The following GPC5 variants were observed in gnomAD, a reference collection of about 807,000 sequenced individuals.
The protein encoded by GPC5 is glypican 5, also known as glypican-5.
GPC5 carries 47 observed loss-of-function variants against 53.9 expected under a neutral mutation model. The ratio of observed to expected loss-of-function variants is 0.87; its 90% CI spans 0.69 to 1.11. The LOEUF is 1.11. Among genes scored for constraint, GPC5 ranks in the 50% most tolerant of loss-of-function variants. The pLI, the probability that GPC5 is intolerant of heterozygous loss-of-function variation, is 0.00. For synonymous variants in GPC5, 286 were observed against 263.3 expected, an observed-to-expected ratio of 1.09 and a Z score of -0.84; for missense variants, 748 against 713.1, an observed-to-expected ratio of 1.05 and a Z score of -0.56.
Position 91,535,628 on chromosome 13 carries a change from C to T in GPC5, c.325+86706C>T, listed in dbSNP as rs573240818. On this transcript the variant is annotated intron_variant, in intron 2 of 7. Coordinates refer to ENST00000377067, the MANE Select transcript of GPC5 (RefSeq NM_004466.6). ...TTATCAGGATATGGACACAGGCTCTCTTCTCAGAAAACTCGTCTTTTAATG... is the reference window on the plus strand; with the variant it reads ...TTATCAGGATATGGACACAGGCTCTTTTCTCAGAAAACTCGTCTTTTAATG... Among the ~76,000 whole-genome samples, 248 of 152,274 alleles carry T rather than the reference C, an allele frequency of 1.6e-3. 2 individuals carry two copies. The highest frequency in any genetic ancestry group is 3.0e-3 in the Non-Finnish European group (203 of 68,020).
intron 7 of GPC5, among the ~76,000 whole-genome samples, chr13:92,355,628 C>T (rs1178027052): frequency 6.6e-6 from 1 of 151,918 alleles, no homozygotes; most frequent in Non-Finnish European, 1.5e-5. Flanking sequence ...ATTTATATTC[C>T]TTTTTTGATG....
intron 7 of GPC5, among the ~76,000 whole-genome samples, chr13:92,801,043 C>T (rs1046029384): frequency 6.6e-6 from 1 of 150,602 alleles, no homozygotes; most frequent in African/African-American, 2.4e-5. Flanking sequence ...AAAAAGAAAA[C>T]TAGCTTTTTG....
At chr13:92,420,377 T>C (rs1345850715) in intron 7 of GPC5, among the ~76,000 whole-genome samples, 5 of 152,162 alleles carry the variant, frequency 3.3e-5, no homozygotes, top group Non-Finnish European at 5.9e-5. Flanking sequence ...TGTGGATACA[T>C]AGTAGGTGTA....
At chr13:92,549,485 T>A (rs948010944) in intron 7 of GPC5, among the ~76,000 whole-genome samples, 26 of 152,082 alleles carry the variant, frequency 1.7e-4, no homozygotes, top group African/African-American at 6.3e-4. Flanking sequence ...AGAGTTAACC[T>A]TTGTTCAGAG....
intron 5 of GPC5, among the ~76,000 whole-genome samples, chr13:91,831,554 A>G (rs541756179): frequency 2.6e-4 from 39 of 152,106 alleles, no homozygotes; most frequent in African/African-American, 8.4e-4. Context: ...CAAATTTTCT[A>G]TAAATTTGAA....
intron 2 of GPC5, among the ~76,000 whole-genome samples, chr13:91,591,898 A>T (rs1238667856): frequency 1.3e-5 from 2 of 152,138 alleles, no homozygotes; most frequent in Admixed American, 6.5e-5. Flanking sequence ...AATCTTTATG[A>T]GCTTCCTTGC....
chr13:92,114,143 C>T (rs2041581047), intron 6 of GPC5, among the ~76,000 whole-genome samples: 1 of 152,022 alleles, frequency 6.6e-6, no homozygotes, highest in Admixed American at 6.6e-5. Flanking sequence ...TTTTTCCTAC[C>T]TCAAACATAA....
At chr13:92,851,887 CAAAAAAAAA>C (rs71202563) in intron 7 of GPC5, among the ~76,000 whole-genome samples, 4 of 59,192 alleles carry the variant, frequency 6.8e-5, no homozygotes, top group South Asian at 1.0e-3. Context: ...GACTCCGTCT[CAAAAAAAAA>C]AAAAAAAAAA....
chr13:92,038,176 A>T (rs1181640786), intron 6 of GPC5, among the ~76,000 whole-genome samples: 2 of 152,008 alleles, frequency 1.3e-5, no homozygotes, highest in African/African-American at 4.8e-5. Context: ...GAGAGGAATT[A>T]AGGGTCACTT....
At chr13:91,541,404 G>C (rs1594228704) in intron 2 of GPC5, among the ~76,000 whole-genome samples, 1 of 152,230 alleles carries the variant, frequency 6.6e-6, no homozygotes, top group East Asian at 1.9e-4. Flanking sequence ...CGGACTTGCA[G>C]TGCCTCCTTT....
intron 5 of GPC5, among the ~76,000 whole-genome samples, chr13:91,813,539 G>A (rs1454635259): frequency 1.3e-5 from 2 of 151,726 alleles, no homozygotes; most frequent in African/African-American, 2.4e-5. Flanking sequence ...TGCCAAGGCC[G>A]GGTTGGTCTT....
Position 92,458,230 on chromosome 13 carries a change from A to G in GPC5, c.1561+313241A>G, listed in dbSNP as rs552477478. ...AGTCTATATGCTTAAAGGCTGGGGA[A>G]TGTTCATTGTACTTATTTATATCTC... On this transcript the variant is annotated intron_variant, in intron 7 of 7. Coordinates refer to ENST00000377067, the MANE Select transcript of GPC5 (RefSeq NM_004466.6). 5.2e-5 allele frequency among the ~76,000 whole-genome samples: 7 copies of G among 135,308 alleles called. No homozygotes were observed. In the East Asian group the frequency reaches 1.1e-3, roughly 21 times the overall value. The allele number at this position is 135,308 out of a possible 152,430, so 88.8% of individuals were successfully genotyped here.
In GPC5 at chr13:92,579,322, CCTCT is replaced by C. The variant is rs911678107; in HGVS notation, c.1562-286945_1562-286942del. On this transcript the variant is annotated intron_variant, in intron 7 of 7. Coordinates refer to ENST00000377067, the MANE Select transcript of GPC5 (RefSeq NM_004466.6). Reference sequence around the variant, plus strand: ...CTCTCCCTCCCTCCCTCCCTCCCTCCCTCTCTCTCTCTCTCTCTGCTTCATTACC... The same window carrying C: ...CTCTCCCTCCCTCCCTCCCTCCCTCCCTCTCTCTCTCTCTGCTTCATTACC... Among the ~76,000 whole-genome samples the C allele has an allele frequency of 7.7e-3, 741 of 95,930 alleles. 37 individuals are homozygous for C. Among genetic ancestry groups the C allele is most frequent in the African/African-American group, 0.028 (629 of 22,732 alleles). 62.9% of individuals were successfully genotyped at this position (95,930 alleles called of 152,430 possible).
At chr13:92,502,330 T>C (rs572677673) in intron 7 of GPC5, among the ~76,000 whole-genome samples, 9 of 151,136 alleles carry the variant, frequency 6.0e-5, no homozygotes, top group East Asian at 3.9e-4. Context: ...GAGGGAATAA[T>C]TGGAAAAAAA....
At chr13:91,676,536 A>T (rs1566601642) in intron 2 of GPC5, among the ~76,000 whole-genome samples, 3 of 152,188 alleles carry the variant, frequency 2.0e-5, no homozygotes, top group Admixed American at 1.3e-4. Flanking sequence ...AGAGTAGTTT[A>T]GCTAGAGGAA....
chr13:92,143,774 A>C (rs2041847479), intron 6 of GPC5, among the ~76,000 whole-genome samples: 1 of 152,114 alleles, frequency 6.6e-6, no homozygotes, highest in South Asian at 2.1e-4. Flanking sequence ...TCCTGAGGCT[A>C]TTTGACTCTC....
At chr13:92,692,692 A>AAAAAC (rs568144006) in intron 7 of GPC5, among the ~76,000 whole-genome samples, 1 of 149,890 alleles carries the variant, frequency 6.7e-6, no homozygotes, top group South Asian at 2.1e-4. Context: ...ATAAATTAAA[A>AAAAAC]AAAACAAAAC....
chr13:92,233,336 T>G (rs1324862246), intron 7 of GPC5, among the ~76,000 whole-genome samples: 1 of 152,196 alleles, frequency 6.6e-6, no homozygotes, highest in Non-Finnish European at 1.5e-5. Flanking sequence ...ATTTCACACT[T>G]TAAGAGTAAG....
chr13:92,347,864 T>TAA (rs1491202059), intron 7 of GPC5, among the ~76,000 whole-genome samples: 2 of 8,484 alleles, frequency 2.4e-4, no homozygotes, highest in African/African-American at 8.7e-4. Flanking sequence ...CATATATATA[T>TAA]TATATATATA....
Sources: allele counts gnomAD v4.1 joint callset (sites outside exome capture counted in the v4.1 genomes callset), GRCh38; gene constraint gnomAD v4.1.1; transcripts MANE v1.5; gene names NCBI Gene and HGNC (gene_info 2026-07-23, HGNC 2026-07-21).